The following CAMTA1 variants were observed in gnomAD, a reference collection of about 807,000 sequenced individuals.
The protein encoded by CAMTA1 is calmodulin binding transcription activator 1.
Under a neutral mutation model 170.9 loss-of-function variants are expected in CAMTA1, and 27 were observed. That is an observed-to-expected ratio of 0.16 (90% confidence interval 0.12 to 0.22). The LOEUF (loss-of-function observed/expected upper bound fraction) is 0.22, where lower values mean the gene tolerates loss of function less well. Among genes scored for constraint, CAMTA1 ranks in the 10% least tolerant of loss-of-function variants. CAMTA1 has a pLI of 1.00. For missense variants in CAMTA1, 1,619 were observed against 2,217.2 expected (o/e 0.73, Z 5.42); for synonymous variants, 833 against 891.5 (o/e 0.93, Z 1.17).
Position 6,785,565 on chromosome 1 carries a change from C to T in CAMTA1, c.35C>T (p.Thr12Ile). ...WRAEGKWLPK[T>I]SRKSVSQSVF... Reference sequence around the variant, plus strand: ...GCGGAGGGGAAATGGCTGCCGAAAACAAGCCGGAAGGTAAGAGCCGGAGCG... The same window carrying T: ...GCGGAGGGGAAATGGCTGCCGAAAATAAGCCGGAAGGTAAGAGCCGGAGCG... The change falls in exon 1 of 23, where the codon ACA becomes ATA. Residue 12 changes from threonine (T) to isoleucine (I), a missense_variant. Physicochemically the swap from Thr to Ile is moderately conservative, Grantham distance 89 (BLOSUM62 -1). This residue lies in a region of CAMTA1 where 61 missense variants were observed against 57.7 expected (regional missense o/e 1.06). Coordinates refer to ENST00000303635, the MANE Select transcript of CAMTA1 (RefSeq NM_015215.4). 9.3e-7 allele frequency: 1 copy of T among 1,074,078 alleles called. No individual in the cohort carries two copies. The highest frequency in any genetic ancestry group is 1.1e-6 in the Non-Finnish European group (1 of 870,612). The allele number at this position is 1,074,078 out of a possible 1,614,324, so 66.5% of individuals were successfully genotyped here.
chr1:7,058,511 T>A (rs1707716303), intron 3 of CAMTA1, among the ~76,000 whole-genome samples: 1 of 152,164 alleles, frequency 6.6e-6, no homozygotes, highest in South Asian at 2.1e-4. Flanking sequence ...TGATGTAGTT[T>A]CTTGGTGCAG....
chr1:7,509,721 T>G lies in CAMTA1; in HGVS notation c.510+41820T>G, dbSNP rs190909078. 1.3e-3 allele frequency among the ~76,000 whole-genome samples: 200 copies of G among 152,116 alleles called. 2 individuals are homozygous for G. Among genetic ancestry groups the G allele is most frequent in the Non-Finnish European group, 1.0e-3 (68 of 67,990 alleles). On this transcript the variant is annotated intron_variant, in intron 6 of 22. Coordinates refer to ENST00000303635, the MANE Select transcript of CAMTA1 (RefSeq NM_015215.4). ...GACCCTACGGTGCACAGCTGCTGGG[T>G]CCCTTCCATGCCCCCAGGTGGGGAC...
intron 4 of CAMTA1, among the ~76,000 whole-genome samples, chr1:7,209,836 G>A (rs1315006654): frequency 6.6e-6 from 1 of 152,174 alleles, no homozygotes; most frequent in African/African-American, 2.4e-5. Flanking sequence ...TTATTTTTAA[G>A]TCATTTCAAG....
intron 5 of CAMTA1, among the ~76,000 whole-genome samples, chr1:7,254,296 A>G (rs1055446980): frequency 6.6e-6 from 1 of 151,948 alleles, no homozygotes; most frequent in East Asian, 1.9e-4. Context: ...CTTGCCATGG[A>G]TGTTCTGCCT....
intron 5 of CAMTA1, among the ~76,000 whole-genome samples, chr1:7,347,484 G>T (rs1225646740): frequency 6.6e-6 from 1 of 152,234 alleles, no homozygotes; most frequent in Non-Finnish European, 1.5e-5. Flanking sequence ...CTTTGGTTTT[G>T]ATTTTTGAAG....
intron 4 of CAMTA1, among the ~76,000 whole-genome samples, chr1:7,105,951 A>AT (rs1558108405): frequency 6.7e-6 from 1 of 148,664 alleles, no homozygotes; most frequent in Non-Finnish European, 1.5e-5. Context: ...AAAAAAAAAA[A>AT]GGGTTTCCCC....
rs140597808 is a variant in CAMTA1, at chr1:7,146,716, G to A, written c.302+55345G>A. On this transcript the variant is annotated intron_variant, in intron 4 of 22. Transcript: ENST00000303635. The surrounding 1 kb of genome is among the most constrained non-coding windows in gnomAD (Gnocchi z 4.3). The stretch of plus-strand genomic sequence containing the variant: ...GGGGGTAGGGAGAGAAGGGTTTGGC[G>A]TATTGCACACACACAAACACACACT... Among the ~76,000 whole-genome samples the A allele has an allele frequency of 2.0e-5, 3 of 151,844 alleles. No homozygotes were observed. Among genetic ancestry groups the A allele is most frequent in the South Asian group, 2.1e-4 (1 of 4,824 alleles).
At chr1:7,151,668 C>T (rs1646587166) in intron 4 of CAMTA1, among the ~76,000 whole-genome samples, 1 of 152,236 alleles carries the variant, frequency 6.6e-6, no homozygotes, top group African/African-American at 2.4e-5. Flanking sequence ...CTTAGAGCCT[C>T]CTCCAGAGGA....
chr1:7,753,166 A>G (rs2096909352), intron 21 of CAMTA1, among the ~76,000 whole-genome samples: 1 of 152,218 alleles, frequency 6.6e-6, no homozygotes, highest in South Asian at 2.1e-4. Flanking sequence ...GGGTCCTGTG[A>G]CCCCAGCATT....
chr1:6,942,792 C>T (rs1461872381), intron 3 of CAMTA1, among the ~76,000 whole-genome samples: 2 of 152,206 alleles, frequency 1.3e-5, no homozygotes, highest in East Asian at 1.9e-4. Context: ...TCTGAGTGGC[C>T]CTGTACCCCT....
At chr1:7,765,975 C>T (rs2097019683) in intron 22 of CAMTA1, among the ~76,000 whole-genome samples, 1 of 146,848 alleles carries the variant, frequency 6.8e-6, no homozygotes, top group African/African-American at 2.5e-5. Context: ...TGCAGTGAGC[C>T]GAGATGGTGC....
chr1:6,920,597 A>G (rs1435551301), intron 3 of CAMTA1, among the ~76,000 whole-genome samples: 1 of 152,202 alleles, frequency 6.6e-6, no homozygotes, highest in African/African-American at 2.4e-5. Context: ...CTGCCCTAGC[A>G]GAGGTTCTCT....
At chr1:6,972,426 A>G (rs905840523) in intron 3 of CAMTA1, among the ~76,000 whole-genome samples, 1 of 151,974 alleles carries the variant, frequency 6.6e-6, no homozygotes, top group Non-Finnish European at 1.5e-5. Context: ...TTTTTTTTGC[A>G]TCTGGAGAAA....
rs148188712 is a variant in CAMTA1 at position 7,079,157 on chromosome 1, G to A, written c.235-12147G>A. Among the ~76,000 whole-genome samples the A allele has an allele frequency of 6.5e-3, 983 of 152,268 alleles. 7 individuals are homozygous for A. The highest frequency in any genetic ancestry group is 9.6e-3 in the Non-Finnish European group (655 of 68,020). On this transcript the variant is annotated intron_variant, in intron 3 of 22. Transcript: ENST00000303635. ...ATTTGGGACATTCAGTAGAGACTCC[G>A]GAAGGAAGAAGCAATAATAGTAGGG...
chr1:6,886,337 T>TA (rs34059893), intron 3 of CAMTA1: 35 of 438,276 alleles, frequency 8.0e-5, no homozygotes, highest in Non-Finnish European at 1.0e-4. Flanking sequence ...TATTTTATGT[T>TA]AAAAAAAATG....
intron 5 of CAMTA1, among the ~76,000 whole-genome samples, chr1:7,305,093 CTATT>C (rs1341817824): frequency 6.6e-6 from 1 of 152,062 alleles, no homozygotes; most frequent in Non-Finnish European, 1.5e-5. Context: ...TGTTGCCAAA[CTATT>C]TATTGAATCA....
At chr1:7,114,464 A>G (rs911325525) in intron 4 of CAMTA1, among the ~76,000 whole-genome samples, 63 of 150,278 alleles carry the variant, frequency 4.2e-4, no homozygotes, top group African/African-American at 1.4e-3. Flanking sequence ...CAAAAAAAAG[A>G]GAATCACAAA....
chr1:7,391,482 G>A (rs1429145637), intron 5 of CAMTA1, among the ~76,000 whole-genome samples: 1 of 152,114 alleles, frequency 6.6e-6, no homozygotes. Context: ...GGGGCGCTTG[G>A]TGTCCCGCAC....
rs1246692112 is a variant in CAMTA1, at chr1:6,970,815, C to A, written c.235-120489C>A. Among the ~76,000 whole-genome samples, 1 of 152,180 alleles carries A rather than the reference C, an allele frequency of 6.6e-6. No individual in the cohort carries two copies. The highest frequency in any genetic ancestry group is 1.5e-5 in the Non-Finnish European group (1 of 68,040). On this transcript the variant is annotated intron_variant, in intron 3 of 22. Transcript: ENST00000303635. This position sits in a 1 kb window ranked among gnomAD's most constrained non-coding sequence, Gnocchi z 4.4. ...AGACAGATGGAGAACAGAACAGACC[C>A]AACAACCTCAGGAGAATGAACAGCC...
Sources: allele counts gnomAD v4.1 joint callset (sites outside exome capture counted in the v4.1 genomes callset), GRCh38; gene constraint gnomAD v4.1.1; regional missense constraint gnomAD v4.1.1; non-coding constraint Gnocchi (gnomAD v3.1); transcripts MANE v1.5; gene names NCBI Gene and HGNC (gene_info 2026-07-23, HGNC 2026-07-21).